TMCO6: variants seen among roughly 807,000 people sequenced by gnomAD.
TMCO6 encodes the protein transmembrane and coiled-coil domain-containing protein 6.
A neutral mutation model predicts 61.8 loss-of-function variants in TMCO6; 47 were observed. The ratio of observed to expected loss-of-function variants is 0.76; its 90% confidence interval spans 0.60 to 0.97. TMCO6 has a LOEUF of 0.97. TMCO6 is among the 50% of genes least tolerant of loss of function. The pLI, the probability that TMCO6 is intolerant of heterozygous loss-of-function variation, is 0.00. For missense variants in TMCO6, 557 were observed against 601.6 expected (o/e 0.93, Z 0.78); for synonymous variants, 261 against 254.2 (o/e 1.03, Z -0.25).
chr5:140,647,408 C>T (rs779660717), downstream of TMCO6: 1 of 1,610,850 alleles, frequency 6.2e-7, no homozygotes, highest in Non-Finnish European at 8.5e-7. Flanking sequence ...GCGGGGGCTT[C>T]CCTCAACTTC....
the TMCO6 span, among the ~76,000 whole-genome samples, chr5:140,620,888 C>A: frequency 6.6e-6 from 1 of 152,088 alleles, no homozygotes; most frequent in South Asian, 2.1e-4. Flanking sequence ...TGACATGCAC[C>A]TGTAGTCCCA....
rs547796065 is a variant in TMCO6 at position 140,640,388 on chromosome 5, G to T, written c.198+537G>T. Among the ~76,000 whole-genome samples the T allele has an allele frequency of 2.0e-5, 3 of 151,734 alleles. No homozygotes were observed. In the East Asian group the frequency reaches 5.8e-4, roughly 29 times the overall value. ...TTCGTTTCTTTTGGTATTCTGTCTTGAGAGCCTATTTTTTTTCTTTTCTTT... is the reference window on the plus strand; with the variant it reads ...TTCGTTTCTTTTGGTATTCTGTCTTTAGAGCCTATTTTTTTTCTTTTCTTT... On this transcript the variant is annotated intron_variant, in intron 2 of 11. Coordinates refer to ENST00000394671, the MANE Select transcript of TMCO6 (RefSeq NM_018502.5).
the TMCO6 span, among the ~76,000 whole-genome samples, chr5:140,621,970 G>A: frequency 5.9e-5 from 9 of 152,296 alleles, no homozygotes; most frequent in East Asian, 1.9e-4. Flanking sequence ...AATGGTGCCC[G>A]AAACTTCATT....
intron 2 of TMCO6, 54 bp from the exon 3 acceptor site, chr5:140,641,611 T>A (rs1757034291): frequency 6.6e-7 from 1 of 1,514,026 alleles, no homozygotes; most frequent in African/African-American, 1.4e-5. Context: ...GAGAGAGACT[T>A]AGGACTTGCT....
chr5:140,647,249 C>T (rs1757456399), downstream of TMCO6: 1 of 1,540,492 alleles, frequency 6.5e-7, no homozygotes, highest in Non-Finnish European at 8.7e-7. Flanking sequence ...TGGCGTCCCG[C>T]ACTCACCGTA....
chr5:140,613,921 A>T, the TMCO6 span, among the ~76,000 whole-genome samples: 1 of 150,890 alleles, frequency 6.6e-6, no homozygotes, highest in East Asian at 2.0e-4. Context: ...TGTTTTGAGA[A>T]GGAGTCTCAC....
chr5:140,641,814 G>C (rs761310470), intron 3 of TMCO6, 34 bp downstream of exon 3: 1 of 1,614,010 alleles, frequency 6.2e-7, no homozygotes, highest in East Asian at 2.2e-5. Flanking sequence ...GGGAGGAGTT[G>C]GGGCTCTGAG....
Position 140,644,197 on chromosome 5 carries a change from A to G in TMCO6, c.1200+3A>G. 1 of 1,613,792 alleles carries G rather than the reference A, an allele frequency of 6.2e-7. No homozygotes were observed. The highest frequency in any genetic ancestry group is 8.5e-7 in the Non-Finnish European group (1 of 1,179,734). On this transcript the variant is annotated splice_donor_region_variant and intron_variant, in intron 10 of 11. Coordinates refer to ENST00000394671, the MANE Select transcript of TMCO6 (RefSeq NM_018502.5). ...TATCTAACGTGGTGAGCGTAATGGT[A>G]TGTATTGGGGTTACTTGAATCCAAG...
At chr5:140,636,051 T>C (rs191088728), upstream of TMCO6, among the ~76,000 whole-genome samples, 1,054 of 152,250 alleles carry the variant, frequency 6.9e-3, 6 homozygotes, top group Middle Eastern at 0.051. Context: ...CAGGCTGGAG[T>C]GCAATGATGC....
the TMCO6 span, among the ~76,000 whole-genome samples, chr5:140,615,408 A>G: frequency 6.6e-6 from 1 of 152,212 alleles, no homozygotes; most frequent in Non-Finnish European, 1.5e-5. Context: ...AGCACAATTC[A>G]ATGGCTTTTT....
At chr5:140,599,479 C>T in the TMCO6 span, among the ~76,000 whole-genome samples, 163 of 152,162 alleles carry the variant, frequency 1.1e-3, no homozygotes, top group Non-Finnish European at 9.8e-4. Context: ...AATGCAATAG[C>T]CTATAAGGTA....
chr5:140,633,305 C>T, the TMCO6 span: 2 of 623,754 alleles, frequency 3.2e-6, no homozygotes, highest in South Asian at 1.8e-5. Context: ...GGAAATATTG[C>T]AATGAAGGAT....
At chr5:140,612,770 A>G in the TMCO6 span, among the ~76,000 whole-genome samples, 1 of 152,222 alleles carries the variant, frequency 6.6e-6, no homozygotes, top group African/African-American at 2.4e-5. Flanking sequence ...GACTGGAACC[A>G]TGACACATAG....
At chr5:140,638,315 T>A (rs1159061612), upstream of TMCO6, among the ~76,000 whole-genome samples, 1 of 152,070 alleles carries the variant, frequency 6.6e-6, no homozygotes, top group South Asian at 2.1e-4. Flanking sequence ...GGGGAAGGGG[T>A]GCCTGTAATG....
chr5:140,606,507 A>C, the TMCO6 span, among the ~76,000 whole-genome samples: 2 of 151,928 alleles, frequency 1.3e-5, no homozygotes, highest in African/African-American at 4.8e-5. Context: ...TTGTTTATCT[A>C]TGCTCTAATT....
upstream of TMCO6, among the ~76,000 whole-genome samples, chr5:140,638,467 TG>T (rs1756830560): frequency 6.6e-6 from 1 of 151,866 alleles, no homozygotes; most frequent in African/African-American, 2.4e-5. Flanking sequence ...AACAAAAGTG[TG>T]TGTGGGGGGG....
chr5:140,613,386 TAAAAAAAAA>T, the TMCO6 span, among the ~76,000 whole-genome samples: 20,828 of 87,062 alleles, frequency 0.24, 2,144 homozygotes, highest in East Asian at 0.37. Context: ...AGACTCTGAC[TAAAAAAAAA>T]AAAAAAAAAA....
the TMCO6 span, chr5:140,633,789 CTTTT>C: frequency 9.6e-5 from 12 of 124,376 alleles, no homozygotes; most frequent in East Asian, 6.9e-4. Context: ...AACTTTCTTT[CTTTT>C]TTTTTTTTTT....
the TMCO6 span, chr5:140,631,898 C>T: frequency 6.3e-7 from 1 of 1,592,046 alleles, no homozygotes; most frequent in Admixed American, 1.7e-5. Context: ...CCAGGGTTCC[C>T]GACACCCCCA....
Sources: allele counts gnomAD v4.1 joint callset (sites outside exome capture counted in the v4.1 genomes callset), GRCh38; gene constraint gnomAD v4.1.1; transcripts MANE v1.5; gene names NCBI Gene and HGNC (gene_info 2026-07-23, HGNC 2026-07-21).